PANK4: variants seen among roughly 807,000 people sequenced by gnomAD.
The protein encoded by PANK4 is 4'-phosphopantetheine phosphatase.
Under a neutral mutation model 87.9 loss-of-function variants are expected in PANK4, and 40 were observed. The observed-to-expected ratio is 0.46, with a 90% confidence interval of 0.35 to 0.59. PANK4 has a LOEUF of 0.59. Among genes scored for constraint, PANK4 ranks in the 20% least tolerant of loss-of-function variants. PANK4 has a pLI of 0.00. For missense variants in PANK4, 926 were observed against 1,072.3 expected, an observed-to-expected ratio of 0.86 and a Z score of 1.90; for synonymous variants, 524 against 467.4, an observed-to-expected ratio of 1.12 and a Z score of -1.56.
chr1:2,513,398 C>T (rs953545468), intron 12 of PANK4, among the ~76,000 whole-genome samples: 7 of 152,240 alleles, frequency 4.6e-5, no homozygotes, highest in Non-Finnish European at 2.9e-5. Flanking sequence ...GGAGGCATGG[C>T]GCTGGCCCTT....
intron 14 of PANK4, 43 bp from the exon 15 acceptor site, chr1:2,511,430 G>A (rs765287357): frequency 1.4e-5 from 20 of 1,444,804 alleles, no homozygotes; most frequent in East Asian, 9.1e-5. Context: ...GGTGCTCCAG[G>A]TCAGGGGTCA....
intron 9 of PANK4, among the ~76,000 whole-genome samples, chr1:2,517,073 C>G (rs943861180): frequency 1.3e-5 from 2 of 152,208 alleles, no homozygotes; most frequent in African/African-American, 4.8e-5. Flanking sequence ...GGACATTTGG[C>G]AAATTATGCA....
intron 1 of PANK4, 137 bp downstream of exon 1, chr1:2,526,327 G>A (rs1433950151): frequency 2.9e-6 from 1 of 347,288 alleles, no homozygotes; most frequent in South Asian, 1.1e-4. Context: ...GCGGGCCCGC[G>A]GACTACAAGG....
At chr1:2,516,547 C>A (rs1432587427) in intron 9 of PANK4, among the ~76,000 whole-genome samples, 1 of 152,218 alleles carries the variant, frequency 6.6e-6, no homozygotes, top group Non-Finnish European at 1.5e-5. Flanking sequence ...TCTTCCCACC[C>A]TCCGGTGGCT....
chr1:2,518,467 CCA>C, intron 8 of PANK4, 47 bp downstream of exon 8: 1 of 1,487,602 alleles, frequency 6.7e-7, no homozygotes, highest in Non-Finnish European at 9.2e-7. Flanking sequence ...CAGGCCCAGG[CCA>C]CAGCTGAGGC....
Position 2,520,984 on chromosome 1 carries a change from GGGC to G in PANK4, c.423-81_423-79del. 6.6e-7 allele frequency: 1 copy of G among 1,526,436 alleles called. No individual in the cohort carries two copies. Among genetic ancestry groups the G allele is most frequent in the Non-Finnish European group, 8.9e-7 (1 of 1,120,898 alleles). 94.6% of individuals were successfully genotyped at this position (1,526,436 alleles called of 1,614,324 possible). A position where few individuals can be genotyped will look rare whatever the true frequency, so the allele number is the denominator to read the frequency against. On this transcript the variant is annotated intron_variant, in intron 3 of 18. Transcript: ENST00000378466. This position sits in a 1 kb window ranked among gnomAD's most constrained non-coding sequence, Gnocchi z 6.2. ...CCATGCAAGCCTGCCTGGTCCGAAG[GGGC>G]AGCCATGCCCCATGCGCAATCTGAC...
In PANK4 at chr1:2,521,172, G is replaced by C; in HGVS notation, c.351C>G (p.Thr117=). 6.2e-7 allele frequency: 1 copy of C among 1,613,992 alleles called. No individual in the cohort carries two copies. The highest frequency in any genetic ancestry group is 1.7e-5 in the Admixed American group (1 of 60,030). ...CGCCCCCGGTCGCCTGGATGACCTT[G>C]GTCTCTGTGTTGACGAGATGGTCTT... ...FIKDHLVNTE[T]KVIQATGGGA... is the part of the protein sequence containing the mutation. The change falls in exon 3 of 19, where the codon ACC becomes ACG. Residue 117 remains threonine, a synonymous_variant. Transcript: ENST00000378466.
rs566930180 is a variant in PANK4, at chr1:2,524,493, G to A, written c.124+1971C>T. Reference sequence around the variant, plus strand: ...CCAGAGACACAGGACCCAGACGCAGGGAGAAACTTTGAAGAGGGGAAATAA... The same window carrying A: ...CCAGAGACACAGGACCCAGACGCAGAGAGAAACTTTGAAGAGGGGAAATAA... On this transcript the variant is annotated intron_variant, in intron 1 of 18. Coordinates refer to ENST00000378466, the MANE Select transcript of PANK4 (RefSeq NM_018216.4). 3.5e-4 allele frequency among the ~76,000 whole-genome samples: 54 copies of A among 152,308 alleles called. No homozygotes were observed. In the South Asian group the frequency reaches 0.011, roughly 32 times the overall value.
At chr1:2,525,562 C>T (rs1170803977) in intron 1 of PANK4, 1 of 152,214 alleles carries the variant, frequency 6.6e-6, no homozygotes, top group African/African-American at 2.4e-5. Context: ...CCTGGTTCTG[C>T]CACTTTCTAG....
rs1165427366 is a variant in PANK4 at position 2,519,991 on chromosome 1, G to T, written c.700-37C>A. 24 of 1,516,028 alleles carry T rather than the reference G, an allele frequency of 1.6e-5. No homozygotes were observed. Among genetic ancestry groups the T allele is most frequent in the East Asian group, 2.4e-5 (1 of 41,178 alleles). 93.9% of individuals were successfully genotyped at this position (1,516,028 alleles called of 1,614,324 possible). Reference sequence around the variant, plus strand: ...GGCGAGGGGGCGGGTGAGGCGCCAGGAGCTGCTGGAATCCCCACGACCCCA... The same window carrying T: ...GGCGAGGGGGCGGGTGAGGCGCCAGTAGCTGCTGGAATCCCCACGACCCCA... On this transcript the variant is annotated intron_variant, in intron 5 of 18. Coordinates refer to ENST00000378466, the MANE Select transcript of PANK4 (RefSeq NM_018216.4). The surrounding 1 kb of genome is among the most constrained non-coding windows in gnomAD (Gnocchi z 8.3).
At chr1:2,514,211 G>A in intron 11 of PANK4, 122 bp from the exon 12 acceptor site, 4 of 1,116,144 alleles carry the variant, frequency 3.6e-6, no homozygotes, top group Non-Finnish European at 5.4e-6. Flanking sequence ...CTTGAGGCGG[G>A]GTCCAAGGGG....
At chr1:2,513,389 G>A (rs1188424893) in intron 12 of PANK4, among the ~76,000 whole-genome samples, 2 of 152,250 alleles carry the variant, frequency 1.3e-5, no homozygotes, top group African/African-American at 2.4e-5. Flanking sequence ...TGAGGGGAGG[G>A]AGGCATGGCG....
intron 12 of PANK4, 91 bp from the exon 13 acceptor site, chr1:2,513,130 C>A: frequency 5.0e-6 from 7 of 1,404,382 alleles, no homozygotes; most frequent in Non-Finnish European, 6.8e-6. Context: ...CCATACCACG[C>A]CCCTCAGGAT....
chr1:2,511,525 G>A, intron 14 of PANK4, 103 bp downstream of exon 14: 2 of 1,064,804 alleles, frequency 1.9e-6, no homozygotes, highest in South Asian at 1.3e-5. Context: ...CTTGAGCAGG[G>A]GAGGTGCCTG....
Position 2,518,965 on chromosome 1 carries a change from G to A in PANK4, c.1035+178C>T, listed in dbSNP as rs557183978. 5.9e-5 allele frequency among the ~76,000 whole-genome samples: 9 copies of A among 152,322 alleles called. No homozygotes were observed. In the East Asian group the frequency reaches 1.6e-3, roughly 26 times the overall value. On this transcript the variant is annotated intron_variant, in intron 7 of 18. Coordinates refer to ENST00000378466, the MANE Select transcript of PANK4 (RefSeq NM_018216.4). ...CTGGTGATGTACTCAAACTCAGGTG[G>A]CCACGGTGCCACAAAATGTAGGCTG...
At chr1:2,513,285 G>A (rs1643696319) in intron 12 of PANK4, among the ~76,000 whole-genome samples, 1 of 152,224 alleles carries the variant, frequency 6.6e-6, no homozygotes, top group Non-Finnish European at 1.5e-5. Context: ...TGAAGGGCAG[G>A]ACAAGAGTGG....
intron 1 of PANK4, 81 bp downstream of exon 1, chr1:2,526,383 C>A: frequency 9.1e-6 from 7 of 769,922 alleles, no homozygotes; most frequent in South Asian, 5.6e-5. Context: ...CTTCGTCCTT[C>A]CCGCCGCCCC....
chr1:2,521,846 GC>G, intron 1 of PANK4, 46 bp from the exon 2 acceptor site: 2 of 1,463,098 alleles, frequency 1.4e-6, no homozygotes, highest in South Asian at 2.3e-5. Flanking sequence ...CCAGGACACA[GC>G]GGGGCCTGGG....
At chr1:2,513,879 T>C in intron 12 of PANK4, 123 bp downstream of exon 12, 2 of 780,764 alleles carry the variant, frequency 2.6e-6, no homozygotes, top group South Asian at 2.8e-5. Flanking sequence ...TTGGGGCCGC[T>C]ACCAAACCTG....
Sources: allele counts gnomAD v4.1 joint callset (sites outside exome capture counted in the v4.1 genomes callset), GRCh38; gene constraint gnomAD v4.1.1; non-coding constraint Gnocchi (gnomAD v3.1); transcripts MANE v1.5; gene names NCBI Gene and HGNC (gene_info 2026-07-23, HGNC 2026-07-21).